Variants in LAMA2 observed in about 807,000 individuals in gnomAD.
LAMA2 encodes the protein laminin subunit alpha-2.
A neutral mutation model predicts 364.8 loss-of-function variants in LAMA2; 269 were observed. That is an observed-to-expected ratio of 0.74 (90% CI 0.67 to 0.82). The LOEUF is 0.82. Among genes scored for constraint, LAMA2 ranks in the 40% least tolerant of loss-of-function variants. The probability of loss-of-function intolerance (pLI) is 0.00; values close to 1 mark genes in which losing one functional copy is unlikely to be tolerated. For missense variants in LAMA2, 3,807 were observed against 3,873.2 expected (o/e 0.98, Z 0.45); for synonymous variants, 1,379 against 1,370.6 (o/e 1.01, Z -0.14).
intron 3 of LAMA2, among the ~76,000 whole-genome samples, chr6:129,076,345 C>T (rs1773631065): frequency 6.7e-6 from 1 of 149,230 alleles, no homozygotes; most frequent in Admixed American, 6.7e-5. Context: ...CTGTGAGGTA[C>T]AAATTAAACC....
At chr6:129,371,669 C>T (rs534518004) in intron 34 of LAMA2, among the ~76,000 whole-genome samples, 12 of 146,138 alleles carry the variant, frequency 8.2e-5, no homozygotes, top group Admixed American at 2.1e-4. Context: ...TGCAGTGGTG[C>T]GATCTTGGCT....
At chr6:129,162,581 G>C (rs539397501) in intron 8 of LAMA2, among the ~76,000 whole-genome samples, 8 of 151,684 alleles carry the variant, frequency 5.3e-5, no homozygotes, top group Non-Finnish European at 1.2e-4. Flanking sequence ...AGAGGTGTGT[G>C]TTTTCTTCTT....
At position 129,051,655 on chromosome 6, in the gene LAMA2, C is replaced by CATATCTATAGATCGATCTATAGATATCT. The variant is rs144355117; in HGVS notation, c.283+1608_283+1635dup. 2.2e-3 allele frequency among the ~76,000 whole-genome samples: 315 copies of CATATCTATAGATCGATCTATAGATATCT among 143,046 alleles called. 1 individual carries two copies. The highest frequency in any genetic ancestry group is 6.7e-3 in the African/African-American group (266 of 39,480). The allele number at this position is 143,046 out of a possible 152,430, so 93.8% of individuals were successfully genotyped here. A position where few individuals can be genotyped will look rare whatever the true frequency, so the allele number is the denominator to read the frequency against. ...ATTATATGTAGAGAGATATATTTTA[C>CATATCTATAGATCGATCTATAGATATCT]ATATCTATAGATCGATCTATAGATA... On this transcript the variant is annotated intron_variant, in intron 2 of 64. Coordinates refer to ENST00000421865, the MANE Select transcript of LAMA2 (RefSeq NM_000426.4).
intron 4 of LAMA2, among the ~76,000 whole-genome samples, chr6:129,099,848 A>C (rs144004152): frequency 7.2e-5 from 11 of 152,330 alleles, no homozygotes; most frequent in South Asian, 2.1e-4. Flanking sequence ...GCCAAATGAC[A>C]AGGACTCAAA....
chr6:129,393,022 T>A (rs1165965518), intron 36 of LAMA2, 23 bp from the exon 37 acceptor site: 1 of 1,601,104 alleles, frequency 6.2e-7, no homozygotes, highest in Non-Finnish European at 8.5e-7. Flanking sequence ...CATTGTCTAT[T>A]ATTGGGCTGG....
At chr6:128,896,979 C>T (rs1011175837) in intron 1 of LAMA2, among the ~76,000 whole-genome samples, 1 of 152,180 alleles carries the variant, frequency 6.6e-6, no homozygotes, top group Non-Finnish European at 1.5e-5. Context: ...ATGTCTCATG[C>T]CTTAATTTAT....
intron 8 of LAMA2, among the ~76,000 whole-genome samples, chr6:129,161,866 T>C (rs1469515968): frequency 1.3e-5 from 2 of 152,246 alleles, no homozygotes; most frequent in Admixed American, 6.5e-5. Context: ...TATTCCATGG[T>C]GTATATGTAC....
chr6:129,128,217 G>A (rs921829279), intron 4 of LAMA2, among the ~76,000 whole-genome samples: 1 of 152,148 alleles, frequency 6.6e-6, no homozygotes, highest in South Asian at 2.1e-4. Flanking sequence ...TCTGCATGTG[G>A]ATACCTAGTT....
chr6:128,927,593 T>C (rs1445573787), intron 1 of LAMA2, among the ~76,000 whole-genome samples: 5 of 152,174 alleles, frequency 3.3e-5, no homozygotes, highest in Non-Finnish European at 7.4e-5. Context: ...TCCCATTCTT[T>C]CCACAGTCCT....
intron 1 of LAMA2, among the ~76,000 whole-genome samples, chr6:128,904,467 T>TG (rs1387499753): frequency 1.3e-5 from 2 of 149,240 alleles, no homozygotes; most frequent in African/African-American, 4.9e-5. Flanking sequence ...TTTTTTTTTT[T>TG]TTTTTAAGAT....
chr6:129,076,505 A>ATATAT (rs1554212317), intron 3 of LAMA2, among the ~76,000 whole-genome samples: 31 of 132,312 alleles, frequency 2.3e-4, no homozygotes, highest in African/African-American at 8.3e-4. Flanking sequence ...ATATAAATAT[A>ATATAT]TATATATAAT....
chr6:129,391,791 T>TCATCTATC lies in LAMA2; in HGVS notation c.5234+139_5234+146dup, dbSNP rs1779337917. On this transcript the variant is annotated intron_variant, in intron 36 of 64. Coordinates refer to ENST00000421865, the MANE Select transcript of LAMA2 (RefSeq NM_000426.4). ...CTGGAGATATTTGCTATGTTATCTATCATCTATCTATCTATCTATCTATCT... is the reference window on the plus strand; with the variant it reads ...CTGGAGATATTTGCTATGTTATCTATCATCTATCCATCTATCTATCTATCTATCTATCT... 8 of 688,064 alleles carry TCATCTATC rather than the reference T, an allele frequency of 1.2e-5. No individual in the cohort carries two copies. In the East Asian group the frequency reaches 2.2e-4, roughly 19 times the overall value. 42.6% of individuals were successfully genotyped at this position (688,064 alleles called of 1,614,324 possible). A position where few individuals can be genotyped will look rare whatever the true frequency, so the allele number is the denominator to read the frequency against.
intron 1 of LAMA2, among the ~76,000 whole-genome samples, chr6:128,937,606 C>G (rs13192715): frequency 0.13 from 19,398 of 151,856 alleles, 1,554 homozygotes; most frequent in African/African-American, 0.23. Flanking sequence ...TCATAGCAGT[C>G]TCTATGATCC....
chr6:129,304,381 A>G (rs1773738765), intron 22 of LAMA2, among the ~76,000 whole-genome samples: 1 of 152,032 alleles, frequency 6.6e-6, no homozygotes, highest in African/African-American at 2.4e-5. Context: ...CTCCTGCCTC[A>G]GCCTCCTGAG....
rs148213603 is a variant in LAMA2 at position 128,967,283 on chromosome 6, A to G, written c.113-82635A>G. On this transcript the variant is annotated intron_variant, in intron 1 of 64. Coordinates refer to ENST00000421865, the MANE Select transcript of LAMA2 (RefSeq NM_000426.4). ...TACAAAATCAAATACTGACTTAAAG[A>G]GAAATATAAATGAAATAAGTTCTAA... 9.1e-4 allele frequency among the ~76,000 whole-genome samples: 138 copies of G among 152,358 alleles called. 3 individuals are homozygous for G. The East Asian group carries it at 0.023, about 26-fold the overall frequency.
chr6:129,266,347 C>A (rs1020714315), intron 15 of LAMA2, among the ~76,000 whole-genome samples: 3 of 151,992 alleles, frequency 2.0e-5, no homozygotes, highest in Non-Finnish European at 4.4e-5. Context: ...GACTAAAATA[C>A]CCTGTTTTAA....
chr6:129,073,303 T>A (rs188302070), intron 3 of LAMA2, among the ~76,000 whole-genome samples: 33 of 152,302 alleles, frequency 2.2e-4, no homozygotes, highest in African/African-American at 6.0e-4. Context: ...CTATTTTTTT[T>A]AATTTTGCTT....
At chr6:129,201,247 C>T (rs1052998442) in intron 12 of LAMA2, among the ~76,000 whole-genome samples, 1 of 152,100 alleles carries the variant, frequency 6.6e-6, no homozygotes, top group Non-Finnish European at 1.5e-5. Context: ...CCAAACACAG[C>T]CTGGCCTTGC....
intron 12 of LAMA2, among the ~76,000 whole-genome samples, chr6:129,195,406 G>A (rs1022301773): frequency 8.5e-5 from 13 of 152,180 alleles, no homozygotes; most frequent in Non-Finnish European, 1.3e-4. Flanking sequence ...TTTGTATCCT[G>A]TGAAACATTT....
Sources: gnomAD v4.1 joint callset for allele counts (sites outside exome capture counted in the v4.1 genomes callset) on GRCh38, gnomAD v4.1.1 for gene constraint, MANE v1.5 for transcripts, NCBI Gene and HGNC (gene_info 2026-07-23, HGNC 2026-07-21) for gene names.